MGST1: variants seen among roughly 807,000 people sequenced by gnomAD.
The protein encoded by MGST1 is microsomal glutathione S-transferase 1.
Under a neutral mutation model 8.9 loss-of-function variants are expected in MGST1, and 5 were observed. The ratio of observed to expected loss-of-function variants is 0.56; its 90% CI spans 0.29 to 1.19. The LOEUF (loss-of-function observed/expected upper bound fraction) is 1.19. MGST1 is among the 50% of genes most tolerant of loss of function. The pLI is 0.08. For missense variants in MGST1, 182 were observed against 187.4 expected, an observed-to-expected ratio of 0.97 and a Z score of 0.17; for synonymous variants, 54 against 67.8, an observed-to-expected ratio of 0.80 and a Z score of 1.00.
At chr12:16,572,340 T>A (rs1942842062) in intron 4 of MGST1, among the ~76,000 whole-genome samples, 1 of 23,078 alleles carries the variant, frequency 4.3e-5, no homozygotes, top group Admixed American at 4.1e-4. Context: ...GTCCAAACTC[T>A]TTTTTTTTTT....
At chr12:16,528,934 G>C (rs1244584850) in intron 4 of MGST1, among the ~76,000 whole-genome samples, 1 of 152,040 alleles carries the variant, frequency 6.6e-6, no homozygotes, top group East Asian at 1.9e-4. Flanking sequence ...CTAGGTCCTT[G>C]TGGATAATTA....
intron 4 of MGST1, among the ~76,000 whole-genome samples, chr12:16,504,228 T>C (rs1373804670): frequency 6.6e-6 from 1 of 152,170 alleles, no homozygotes; most frequent in Non-Finnish European, 1.5e-5. Flanking sequence ...TGTGTGATAT[T>C]CAAAGAAACA....
At chr12:16,377,716 A>G (rs935155468), downstream of MGST1, among the ~76,000 whole-genome samples, 2 of 152,290 alleles carry the variant, frequency 1.3e-5, no homozygotes, top group East Asian at 1.9e-4. Context: ...CTGAGGAATC[A>G]CCACACCAAC....
At chr12:16,538,477 C>T (rs561781925) in intron 4 of MGST1, among the ~76,000 whole-genome samples, 1 of 152,190 alleles carries the variant, frequency 6.6e-6, no homozygotes, top group South Asian at 2.1e-4. Flanking sequence ...TACCAATTTA[C>T]TATATTAGTT....
chr12:16,553,915 G>A (rs1942086290), intron 4 of MGST1, among the ~76,000 whole-genome samples: 1 of 150,210 alleles, frequency 6.7e-6, no homozygotes, highest in Middle Eastern at 3.2e-3. Context: ...AGAGGATACT[G>A]TAAGTATATT....
intron 4 of MGST1, among the ~76,000 whole-genome samples, chr12:16,461,857 A>G (rs886836472): frequency 4.6e-5 from 7 of 152,130 alleles, no homozygotes; most frequent in Admixed American, 2.6e-4. Context: ...CGTCTTTATC[A>G]TGTATTATCC....
chr12:16,438,276 G>C (rs1364756883), exon 2 of MGST1: 2 of 151,848 alleles, frequency 1.3e-5, no homozygotes, highest in South Asian at 2.1e-4. Context: ...AAAAGTAAAA[G>C]CAAAATATGC....
At chr12:16,583,118 A>G (rs1293964007) in intron 4 of MGST1, among the ~76,000 whole-genome samples, 2 of 152,244 alleles carry the variant, frequency 1.3e-5, no homozygotes, top group East Asian at 1.9e-4. Flanking sequence ...TTTAAAGAGA[A>G]TAAATGATCA....
chr12:16,485,934 A>T (rs1481972074), intron 4 of MGST1, among the ~76,000 whole-genome samples: 1 of 152,198 alleles, frequency 6.6e-6, no homozygotes, highest in Non-Finnish European at 1.5e-5. Flanking sequence ...CTTCTTGTTT[A>T]ATTTTCTCTT....
At chr12:16,577,618 A>G (rs1943034904) in intron 4 of MGST1, among the ~76,000 whole-genome samples, 1 of 152,224 alleles carries the variant, frequency 6.6e-6, no homozygotes, top group Non-Finnish European at 1.5e-5. Flanking sequence ...TAGTTTTGGA[A>G]GAGGACAAGT....
rs759292982 is a variant in MGST1, at chr12:16,559,210, G to A, written n.483-30318G>A. Among the ~76,000 whole-genome samples, 7 of 152,022 alleles carry A rather than the reference G, an allele frequency of 4.6e-5. No homozygotes were observed. The highest frequency in any genetic ancestry group is 1.0e-4 in the Non-Finnish European group (7 of 67,990). ...TCATTTTCATTAAAATCTATCAAGT[G>A]TTCTAATTTTTGAAATGTTGTATTT... is the stretch of plus-strand genomic sequence containing the variant. On this transcript the variant is annotated intron_variant and non_coding_transcript_variant, in intron 4 of 4. Transcript: ENST00000538857. The surrounding 1 kb of genome is among the most constrained non-coding windows in gnomAD (Gnocchi z 4.1).
chr12:16,438,008 T>A (rs1941003729), exon 2 of MGST1: 1 of 151,888 alleles, frequency 6.6e-6, no homozygotes, highest in Admixed American at 6.6e-5. Context: ...GACAGTAAAT[T>A]TTTTTAAAAA....
intron 4 of MGST1, among the ~76,000 whole-genome samples, chr12:16,567,867 C>CTGGTGCT (rs1357465992): frequency 6.6e-6 from 1 of 152,094 alleles, no homozygotes; most frequent in Admixed American, 6.6e-5. Context: ...GTGCTCAAGC[C>CTGGTGCT]CACTCAGAGG....
chr12:16,416,583 T>C (rs1769872982), intron 1 of MGST1, among the ~76,000 whole-genome samples: 1 of 152,086 alleles, frequency 6.6e-6, no homozygotes, highest in Admixed American at 6.6e-5. Flanking sequence ...CTGTCTCTTC[T>C]TATAGGAGCA....
chr12:16,417,119 A>G (rs1003214210), intron 1 of MGST1, among the ~76,000 whole-genome samples: 10 of 152,166 alleles, frequency 6.6e-5, no homozygotes, highest in Non-Finnish European at 1.3e-4. Context: ...CTATGAAAAA[A>G]TATCTGAGAG....
intron 4 of MGST1, among the ~76,000 whole-genome samples, chr12:16,452,583 A>T (rs977019141): frequency 6.6e-6 from 1 of 151,818 alleles, no homozygotes; most frequent in African/African-American, 2.4e-5. Context: ...ACTCGAAACT[A>T]TGTTCCAAGT....
chr12:16,553,711 C>G (rs994496301), intron 4 of MGST1, among the ~76,000 whole-genome samples: 3 of 151,968 alleles, frequency 2.0e-5, no homozygotes, highest in African/African-American at 7.2e-5. Context: ...TTGACATCCT[C>G]TTTAAAAAAT....
At chr12:16,483,061 C>A (rs1941375458) in intron 4 of MGST1, among the ~76,000 whole-genome samples, 2 of 152,184 alleles carry the variant, frequency 1.3e-5, no homozygotes, top group South Asian at 2.1e-4. Flanking sequence ...GCCCTATAAG[C>A]ATTTATCTGG....
chr12:16,565,518 T>C (rs921607453), intron 4 of MGST1, among the ~76,000 whole-genome samples: 3 of 152,156 alleles, frequency 2.0e-5, no homozygotes, highest in African/African-American at 7.2e-5. Flanking sequence ...TGCTCCACTG[T>C]CATAGAGATA....
Sources: gnomAD v4.1 joint callset for allele counts (sites outside exome capture counted in the v4.1 genomes callset) on GRCh38, gnomAD v4.1.1 for gene constraint, Gnocchi (gnomAD v3.1) non-coding constraint, MANE v1.5 for transcripts, NCBI Gene and HGNC (gene_info 2026-07-23, HGNC 2026-07-21) for gene names.